WAPL: variants seen among roughly 807,000 people sequenced by gnomAD.
The protein encoded by WAPL is WAPL cohesin release factor.
WAPL carries 5 observed loss-of-function variants against 121.0 expected under a neutral mutation model. The ratio of observed to expected loss-of-function variants is 0.04; its 90% confidence interval spans 0.02 to 0.09. The LOEUF (loss-of-function observed/expected upper bound fraction) is 0.09, where lower values mean the gene tolerates loss of function less well. Among genes scored for constraint, WAPL ranks in the 10% least tolerant of loss-of-function variants. The pLI, the probability that WAPL is intolerant of heterozygous loss-of-function variation, is 1.00. For synonymous variants in WAPL, 480 were observed against 481.5 expected (o/e 1.00, Z 0.04); for missense variants, 999 against 1,410.8 (o/e 0.71, Z 4.68).
chr10:86,453,822 C>T lies in WAPL; in HGVS notation c.2667G>A (p.Gln889=), dbSNP rs1041415746. The T allele has an allele frequency of 1.7e-5, 27 of 1,601,154 alleles. 1 individual carries two copies. The highest frequency in any genetic ancestry group is 1.5e-5 in the Non-Finnish European group (18 of 1,175,528). Residue 889 remains glutamine (Q), a synonymous_variant, in exon 13 of 19, where the codon CAG becomes CAA. Coordinates refer to ENST00000298767, the MANE Select transcript of WAPL (RefSeq NM_015045.5). ...QLIVSSAKAL[Q]HCEELIQQYN... ...ACTGCTGAATCAGTTCTTCACAATGCTGTAATGCTCTTAAAAGGAAATAAA... is the reference window on the plus strand; with the variant it reads ...ACTGCTGAATCAGTTCTTCACAATGTTGTAATGCTCTTAAAAGGAAATAAA...
intron 15 of WAPL, among the ~76,000 whole-genome samples, chr10:86,450,503 T>A (rs970187329): frequency 1.3e-5 from 2 of 152,186 alleles, no homozygotes; most frequent in African/African-American, 4.8e-5. Context: ...CCCAAAGTGC[T>A]GGGATTATAG....
At chr10:86,484,988 C>A (rs1242759734) in intron 4 of WAPL, among the ~76,000 whole-genome samples, 1 of 152,064 alleles carries the variant, frequency 6.6e-6, no homozygotes, top group African/African-American at 2.4e-5. Flanking sequence ...ACTATAAACA[C>A]CCTAACACAC....
At chr10:86,468,813 A>T (rs181854679) in intron 8 of WAPL, among the ~76,000 whole-genome samples, 1 of 151,932 alleles carries the variant, frequency 6.6e-6, no homozygotes, top group Non-Finnish European at 1.5e-5. Flanking sequence ...AAATACAAAA[A>T]AATTAGGCCG....
At chr10:86,494,807 A>C (rs1346624098) in intron 4 of WAPL, among the ~76,000 whole-genome samples, 11 of 152,354 alleles carry the variant, frequency 7.2e-5, no homozygotes, top group Middle Eastern at 6.8e-3. Flanking sequence ...TCCAAGTTGC[A>C]ACTAATCATC....
At chr10:86,518,310 C>T (rs889139778) in intron 1 of WAPL, among the ~76,000 whole-genome samples, 3 of 152,250 alleles carry the variant, frequency 2.0e-5, no homozygotes, top group East Asian at 1.9e-4. Context: ...CATATTCCTA[C>T]GCTACTTACA....
In WAPL at chr10:86,480,151, C is replaced by T. The variant is rs560038961; in HGVS notation, c.1645-6178G>A. The stretch of plus-strand genomic sequence containing the variant: ...TGTAGAGAATCTAATCCACATCTAA[C>T]GAGAAGAAATAAAGCTGCAAAGTCT... On this transcript the variant is annotated intron_variant, in intron 4 of 18. Coordinates refer to ENST00000298767, the MANE Select transcript of WAPL (RefSeq NM_015045.5). Among the ~76,000 whole-genome samples the T allele has an allele frequency of 1.1e-3, 175 of 152,268 alleles. 1 individual carries two copies. The highest frequency in any genetic ancestry group is 3.7e-3 in the African/African-American group (155 of 41,568).
At chr10:86,437,887 A>T in intron 18 of WAPL, 33 bp downstream of exon 18, 1 of 1,488,084 alleles carries the variant, frequency 6.7e-7, no homozygotes, top group Non-Finnish European at 9.3e-7. Flanking sequence ...TTATAAATTT[A>T]AAATCATATA....
intron 17 of WAPL, among the ~76,000 whole-genome samples, chr10:86,439,378 G>C (rs1849406603): frequency 6.6e-6 from 1 of 152,154 alleles, no homozygotes; most frequent in Non-Finnish European, 1.5e-5. Flanking sequence ...TGTCTCTGGA[G>C]AACTGCTCAG....
Position 86,472,439 on chromosome 10 carries a change from T to G in WAPL, c.1894-95A>C. On this transcript the variant is annotated intron_variant, in intron 6 of 18. Transcript: ENST00000298767. This position sits in a 1 kb window ranked among gnomAD's most constrained non-coding sequence, Gnocchi z 4.2. The stretch of plus-strand genomic sequence containing the variant: ...TACTTTACATAAGTGCATAAAATAG[T>G]TCATTAGATGGCAACAAAAATATTT... 1 of 1,519,538 alleles carries G rather than the reference T, an allele frequency of 6.6e-7. No individual in the cohort carries two copies. The highest frequency in any genetic ancestry group is 8.8e-7 in the Non-Finnish European group (1 of 1,132,988). The allele number at this position is 1,519,538 out of a possible 1,614,324, so 94.1% of individuals were successfully genotyped here.
At chr10:86,451,852 G>C in intron 15 of WAPL, 115 bp downstream of exon 15, 1 of 1,167,380 alleles carries the variant, frequency 8.6e-7, no homozygotes, top group Non-Finnish European at 1.2e-6. Context: ...GGGAGGGGCA[G>C]AGAGGGCCAG....
At chr10:86,480,618 G>A (rs896131924) in intron 4 of WAPL, among the ~76,000 whole-genome samples, 10 of 123,180 alleles carry the variant, frequency 8.1e-5, no homozygotes, top group South Asian at 3.1e-4. Flanking sequence ...TAAAAAAACC[G>A]GAAGCTATAA....
At chr10:86,441,574 A>G (rs78656495) in intron 17 of WAPL, among the ~76,000 whole-genome samples, 3 of 57,878 alleles carry the variant, frequency 5.2e-5, no homozygotes, top group East Asian at 3.7e-4. Flanking sequence ...TGCACCTATG[A>G]AAAAAAAAAA....
chr10:86,508,719 G>C (rs1842397121), intron 2 of WAPL, among the ~76,000 whole-genome samples: 1 of 144,588 alleles, frequency 6.9e-6, no homozygotes, highest in Non-Finnish European at 1.5e-5. Flanking sequence ...TCCTTTTCTA[G>C]TTTCTTCCTC....
chr10:86,468,677 C>A (rs541145411), intron 8 of WAPL, among the ~76,000 whole-genome samples: 1 of 152,118 alleles, frequency 6.6e-6, no homozygotes, highest in East Asian at 1.9e-4. Flanking sequence ...TTAAAATAAA[C>A]CAATCGCCAG....
chr10:86,458,302 AGAACCAGGACTG>A (rs1841195192), intron 12 of WAPL, among the ~76,000 whole-genome samples: 1 of 152,250 alleles, frequency 6.6e-6, no homozygotes, highest in Admixed American at 6.5e-5. Context: ...GTAATAAGAC[AGAACCAGGACTG>A]GAGACATACT....
At chr10:86,438,223 G>A (rs896157370) in intron 17 of WAPL, among the ~76,000 whole-genome samples, 2 of 150,690 alleles carry the variant, frequency 1.3e-5, no homozygotes, top group Non-Finnish European at 1.5e-5. Context: ...GTTGGCAAAA[G>A]CTACAAAGAA....
At chr10:86,521,153 G>A (rs962404301) in intron 1 of WAPL, among the ~76,000 whole-genome samples, 3 of 152,186 alleles carry the variant, frequency 2.0e-5, no homozygotes, top group African/African-American at 7.2e-5. Flanking sequence ...TGGGTTTGGG[G>A]AGCTAAGTCA....
intron 15 of WAPL, among the ~76,000 whole-genome samples, chr10:86,451,503 G>A (rs897248446): frequency 6.6e-6 from 1 of 151,410 alleles, no homozygotes; most frequent in African/African-American, 2.4e-5. Context: ...TGATTCTCCT[G>A]CCTCTCAGCC....
chr10:86,503,362 G>A (rs1842282669), intron 2 of WAPL, among the ~76,000 whole-genome samples: 1 of 152,148 alleles, frequency 6.6e-6, no homozygotes, highest in African/African-American at 2.4e-5. Context: ...ATGAAATACA[G>A]TTGAGGCAAC....
Sources: gnomAD v4.1 joint callset for allele counts (sites outside exome capture counted in the v4.1 genomes callset) on GRCh38, gnomAD v4.1.1 for gene constraint, Gnocchi (gnomAD v3.1) non-coding constraint, MANE v1.5 for transcripts, NCBI Gene and HGNC (gene_info 2026-07-23, HGNC 2026-07-21) for gene names.